NSG2: variants seen among roughly 807,000 people sequenced by gnomAD.
NSG2 encodes neuronal vesicle trafficking associated 2.
Under a neutral mutation model 16.9 loss-of-function variants are expected in NSG2, and 4 were observed. That is an observed-to-expected ratio of 0.24 (90% confidence interval 0.12 to 0.54). The LOEUF (loss-of-function observed/expected upper bound fraction) is 0.54, where lower values mean the gene tolerates loss of function less well. NSG2 is among the 20% of genes least tolerant of loss of function. NSG2 has a pLI of 0.95. For synonymous variants in NSG2, 98 were observed against 88.7 expected (o/e 1.11, Z -0.59); for missense variants, 179 against 221.1 (o/e 0.81, Z 1.21).
intron 3 of NSG2, among the ~76,000 whole-genome samples, chr5:174,069,874 ATT>A (rs1374503826): frequency 7.0e-4 from 79 of 113,250 alleles, no homozygotes; most frequent in African/African-American, 2.2e-3. Context: ...AAGGTAGGCC[ATT>A]TTTTTTTTTT....
At chr5:174,068,603 G>C (rs560083582) in intron 3 of NSG2, among the ~76,000 whole-genome samples, 99 of 149,652 alleles carry the variant, frequency 6.6e-4, no homozygotes, top group Non-Finnish European at 1.1e-3. Context: ...TGCTATATAG[G>C]GTTCTGGTGT....
chr5:174,095,350 A>G (rs968305569), intron 3 of NSG2, among the ~76,000 whole-genome samples: 1 of 152,212 alleles, frequency 6.6e-6, no homozygotes, highest in Admixed American at 6.5e-5. Context: ...GGTGTCAGAC[A>G]TCCACTGCTG....
intron 3 of NSG2, among the ~76,000 whole-genome samples, chr5:174,100,852 G>T (rs1224947135): frequency 6.6e-6 from 1 of 152,228 alleles, no homozygotes; most frequent in Non-Finnish European, 1.5e-5. Flanking sequence ...GTTGGCCAGG[G>T]GCCTTATCCA....
intron 2 of NSG2, among the ~76,000 whole-genome samples, chr5:174,058,794 GA>G: frequency 6.6e-6 from 1 of 152,354 alleles, no homozygotes; most frequent in Non-Finnish European, 1.5e-5. Flanking sequence ...GAGTTCCAAA[GA>G]GCTAACACTT....
chr5:174,097,797 G>C (rs1760828070), intron 3 of NSG2, among the ~76,000 whole-genome samples: 1 of 149,596 alleles, frequency 6.7e-6, no homozygotes, highest in African/African-American at 2.5e-5. Flanking sequence ...GTGTGTCTCT[G>C]TGTGTGTGTG....
In NSG2 at chr5:174,108,596, C is replaced by A. The variant is rs369424866; in HGVS notation, c.*1091C>A. 3.5e-4 allele frequency: 53 copies of A among 152,486 alleles called. 1 individual carries two copies. The highest frequency in any genetic ancestry group is 1.3e-3 in the African/African-American group (52 of 41,580). The allele number at this position is 152,486 out of a possible 1,614,324, so 9.4% of individuals were successfully genotyped here. On this transcript the variant is annotated 3_prime_UTR_variant, in exon 5 of 5. Transcript: ENST00000303177. ...AAATGGGACTGTCTTTTGCCCACTT[C>A]GTTGTGTTAAAAGGGGACATTTGTC...
chr5:174,101,610 T>A, intron 3 of NSG2, among the ~76,000 whole-genome samples: 1 of 152,262 alleles, frequency 6.6e-6, no homozygotes, highest in Non-Finnish European at 1.5e-5. Flanking sequence ...GCCGTCTGCA[T>A]CTGCAGCTGG....
intron 3 of NSG2, among the ~76,000 whole-genome samples, chr5:174,074,931 C>T (rs562121511): frequency 1.1e-4 from 17 of 152,112 alleles, no homozygotes; most frequent in Non-Finnish European, 2.2e-4. Context: ...CTTCCTGCAC[C>T]TCACTGCTGA....
At chr5:174,052,672 C>G (rs116674490) in intron 2 of NSG2, among the ~76,000 whole-genome samples, 1 of 152,146 alleles carries the variant, frequency 6.6e-6, no homozygotes, top group Non-Finnish European at 1.5e-5. Flanking sequence ...CCACAATAAC[C>G]CAGGTGTCCC....
At chr5:174,089,070 C>T (rs1253657962) in intron 3 of NSG2, among the ~76,000 whole-genome samples, 4 of 152,288 alleles carry the variant, frequency 2.6e-5, no homozygotes, top group East Asian at 1.9e-4. Flanking sequence ...ATCTGCATAC[C>T]GATACTGACA....
chr5:174,088,007 A>C (rs2113462463), intron 3 of NSG2, among the ~76,000 whole-genome samples: 1 of 152,230 alleles, frequency 6.6e-6, no homozygotes, highest in Admixed American at 6.5e-5. Flanking sequence ...GGCAGTAAAC[A>C]GGCCCTCCAC....
In NSG2 at chr5:174,060,552, C is replaced by A. The variant is rs574784253; in HGVS notation, c.130-3680C>A. On this transcript the variant is annotated intron_variant, in intron 2 of 4. Transcript: ENST00000303177. ...TTTTCAATTGCTGTGTGACAAATTA[C>A]CAAAAATTAAGTGGCTTAAAACCCA... is the stretch of plus-strand genomic sequence containing the variant. Among the ~76,000 whole-genome samples, 72 of 152,202 alleles carry A rather than the reference C, an allele frequency of 4.7e-4. 2 individuals carry two copies. In the Middle Eastern group the frequency reaches 0.01, roughly 22 times the overall value.
chr5:174,102,754 T>A (rs6893044), intron 3 of NSG2, among the ~76,000 whole-genome samples: 6,548 of 90,770 alleles, frequency 0.072, 169 homozygotes, highest in African/African-American at 0.23. Flanking sequence ...GCTTTGTTTT[T>A]TTTATTTATT....
At chr5:174,106,640 G>A (rs1422576823) in intron 4 of NSG2, among the ~76,000 whole-genome samples, 6 of 118,720 alleles carry the variant, frequency 5.1e-5, no homozygotes, top group Admixed American at 1.2e-4. Flanking sequence ...TGTCGCCCAC[G>A]CTGGAGTGCA....
intron 3 of NSG2, among the ~76,000 whole-genome samples, chr5:174,101,705 T>G (rs537778084): frequency 9.2e-5 from 14 of 152,340 alleles, no homozygotes; most frequent in African/African-American, 2.9e-4. Flanking sequence ...CAGATGGAAA[T>G]TTGGGCTGTT....
intron 3 of NSG2, among the ~76,000 whole-genome samples, chr5:174,070,590 A>G (rs1249782485): frequency 6.6e-6 from 1 of 152,202 alleles, no homozygotes; most frequent in Non-Finnish European, 1.5e-5. Flanking sequence ...TGGGAGATAC[A>G]AAAATGGATA....
intron 3 of NSG2, among the ~76,000 whole-genome samples, chr5:174,096,196 C>T (rs946128066): frequency 3.3e-5 from 5 of 152,232 alleles, no homozygotes; most frequent in African/African-American, 9.6e-5. Flanking sequence ...AGAAGTATTA[C>T]CCCACACTGT....
At chr5:174,106,954 G>A (rs1047572306) in intron 4 of NSG2, among the ~76,000 whole-genome samples, 1 of 152,172 alleles carries the variant, frequency 6.6e-6, no homozygotes, top group African/African-American at 2.4e-5. Context: ...ATAGTCATTG[G>A]CTGTGAACAA....
chr5:174,098,253 G>T (rs1239571499), intron 3 of NSG2, among the ~76,000 whole-genome samples: 10 of 152,198 alleles, frequency 6.6e-5, no homozygotes, highest in Admixed American at 6.5e-4. Flanking sequence ...GTGTGAACCA[G>T]TGGGGAGAGG....
Sources: gnomAD v4.1 joint callset for allele counts (sites outside exome capture counted in the v4.1 genomes callset) on GRCh38, gnomAD v4.1.1 for gene constraint, MANE v1.5 for transcripts, NCBI Gene and HGNC (gene_info 2026-07-23, HGNC 2026-07-21) for gene names.